Variants in TMEM150C observed in about 807,000 individuals in gnomAD.
TMEM150C encodes tentonin 3.
A neutral mutation model predicts 29.9 loss-of-function variants in TMEM150C; 10 were observed. The ratio of observed to expected loss-of-function variants is 0.33; its 90% CI spans 0.21 to 0.57. The LOEUF (loss-of-function observed/expected upper bound fraction) is 0.57. Ranked by LOEUF, TMEM150C falls within the 20% of genes least tolerant of loss-of-function variation. TMEM150C has a pLI of 0.88. For synonymous variants in TMEM150C, 101 were observed against 112.5 expected, an observed-to-expected ratio of 0.90 and a Z score of 0.64; for missense variants, 251 against 303.6, an observed-to-expected ratio of 0.83 and a Z score of 1.29.
At chr4:82,557,048 G>A (rs1046856389) in intron 1 of TMEM150C, among the ~76,000 whole-genome samples, 1 of 152,132 alleles carries the variant, frequency 6.6e-6, no homozygotes, top group Non-Finnish European at 1.5e-5. Context: ...TGCTGGGTGC[G>A]GGAGCATCAC....
intron 1 of TMEM150C, among the ~76,000 whole-genome samples, chr4:82,553,136 T>C (rs1725636024): frequency 6.6e-6 from 1 of 152,232 alleles, no homozygotes; most frequent in Non-Finnish European, 1.5e-5. Flanking sequence ...TCAGTGTTCA[T>C]GTAGAGGCAG....
At chr4:82,519,312 C>T (rs550003120) in intron 1 of TMEM150C, among the ~76,000 whole-genome samples, 1 of 152,316 alleles carries the variant, frequency 6.6e-6, no homozygotes, top group African/African-American at 2.4e-5. Flanking sequence ...GTAGTACCCC[C>T]TTATCCACAA....
chr4:82,554,547 ATTT>A (rs1725678430), intron 1 of TMEM150C, among the ~76,000 whole-genome samples: 2 of 152,204 alleles, frequency 1.3e-5, no homozygotes, highest in African/African-American at 4.8e-5. Flanking sequence ...AATTATTGCC[ATTT>A]AAATATTTCT....
chr4:82,532,428 G>A (rs896466186), intron 1 of TMEM150C, among the ~76,000 whole-genome samples: 1 of 152,190 alleles, frequency 6.6e-6, no homozygotes, highest in Non-Finnish European at 1.5e-5. Flanking sequence ...GAAACCACGA[G>A]GGTGACAATA....
At chr4:82,560,037 A>C (rs1275893193) in intron 1 of TMEM150C, among the ~76,000 whole-genome samples, 2 of 152,200 alleles carry the variant, frequency 1.3e-5, no homozygotes, top group Admixed American at 6.5e-5. Flanking sequence ...AAGTGAGCCC[A>C]AAAACCCCTG....
chr4:82,506,549 G>A (rs1179838095), intron 1 of TMEM150C, among the ~76,000 whole-genome samples: 1 of 152,172 alleles, frequency 6.6e-6, no homozygotes, highest in African/African-American at 2.4e-5. Context: ...CACCCTACCT[G>A]TGCCAGGTAC....
At chr4:82,534,061 A>T (rs1326912266) in intron 1 of TMEM150C, among the ~76,000 whole-genome samples, 2 of 152,140 alleles carry the variant, frequency 1.3e-5, no homozygotes, top group Non-Finnish European at 2.9e-5. Context: ...CACAGTTGGT[A>T]AGAAATTGCT....
At chr4:82,560,289 A>G (rs1276498197) in intron 1 of TMEM150C, among the ~76,000 whole-genome samples, 2 of 152,244 alleles carry the variant, frequency 1.3e-5, no homozygotes, top group African/African-American at 2.4e-5. Context: ...AACATGCATT[A>G]AAGTGTTTTT....
chr4:82,493,753 G>A (rs909476310), intron 6 of TMEM150C, among the ~76,000 whole-genome samples: 1 of 152,166 alleles, frequency 6.6e-6, no homozygotes, highest in African/African-American at 2.4e-5. Flanking sequence ...CAAAATTTCA[G>A]TTAAAATGCC....
chr4:82,526,252 G>A (rs1724648638), intron 1 of TMEM150C, among the ~76,000 whole-genome samples: 1 of 152,232 alleles, frequency 6.6e-6, no homozygotes, highest in Non-Finnish European at 1.5e-5. Context: ...TTTTGGGGTT[G>A]TGGATGAGGA....
intron 1 of TMEM150C, among the ~76,000 whole-genome samples, chr4:82,523,310 G>A (rs990994067): frequency 6.6e-6 from 1 of 152,168 alleles, no homozygotes; most frequent in African/African-American, 2.4e-5. Flanking sequence ...ACAGAGGTTG[G>A]AGGAGGCGGT....
At position 82,485,345 on chromosome 4, in the gene TMEM150C, A is replaced by T; in HGVS notation, c.*166T>A. 1.6e-6 allele frequency: 1 copy of T among 616,744 alleles called. No individual in the cohort carries two copies. The highest frequency in any genetic ancestry group is 2.9e-6 in the Non-Finnish European group (1 of 348,726). 38.2% of individuals were successfully genotyped at this position (616,744 alleles called of 1,614,324 possible). On this transcript the variant is annotated 3_prime_UTR_variant, in exon 8 of 8. Coordinates refer to ENST00000449862, the MANE Select transcript of TMEM150C (RefSeq NM_001080506.3). ...GACACATAAGGGCTTGTGCTTTTTCATTAAAGAAATAACTCGCCCTGAAAA... is the reference window on the plus strand; with the variant it reads ...GACACATAAGGGCTTGTGCTTTTTCTTTAAAGAAATAACTCGCCCTGAAAA...
chr4:82,508,470 CT>C (rs879639680), intron 1 of TMEM150C, among the ~76,000 whole-genome samples: 294 of 142,170 alleles, frequency 2.1e-3, no homozygotes, highest in Middle Eastern at 3.8e-3. Context: ...CTGAATTGTG[CT>C]TTTTTTTTTT....
intron 7 of TMEM150C, among the ~76,000 whole-genome samples, chr4:82,488,621 T>C (rs2110061406): frequency 6.6e-6 from 1 of 152,238 alleles, no homozygotes; most frequent in Non-Finnish European, 1.5e-5. Flanking sequence ...TTTTATTTTA[T>C]TTTATTTTTT....
At chr4:82,526,364 T>C (rs1017471201) in intron 1 of TMEM150C, among the ~76,000 whole-genome samples, 2 of 152,238 alleles carry the variant, frequency 1.3e-5, no homozygotes, top group Admixed American at 6.5e-5. Flanking sequence ...ATTGGCCAGG[T>C]ACTTTGAATG....
At chr4:82,556,240 A>G (rs1306459909) in intron 1 of TMEM150C, among the ~76,000 whole-genome samples, 1 of 152,114 alleles carries the variant, frequency 6.6e-6, no homozygotes, top group Non-Finnish European at 1.5e-5. Flanking sequence ...GGCCTCCCAG[A>G]GTGTTGGGAT....
At chr4:82,562,040 C>T (rs964603644), upstream of TMEM150C, 45 of 1,155,822 alleles carry the variant, frequency 3.9e-5, no homozygotes, top group African/African-American at 7.0e-4. Context: ...CCGCCCGGCC[C>T]CCTCCTGCCG....
At chr4:82,487,606 A>G (rs1723205052) in intron 7 of TMEM150C, among the ~76,000 whole-genome samples, 1 of 152,230 alleles carries the variant, frequency 6.6e-6, no homozygotes, top group Non-Finnish European at 1.5e-5. Context: ...CTTTTTGTTC[A>G]TAAAGTATTT....
At chr4:82,523,957 C>T (rs1724570986) in intron 1 of TMEM150C, among the ~76,000 whole-genome samples, 5 of 151,554 alleles carry the variant, frequency 3.3e-5, no homozygotes, top group Admixed American at 2.6e-4. Context: ...GTTGGGATTA[C>T]AGGTGTGAGC....
Sources: gnomAD v4.1 joint callset for allele counts (sites outside exome capture counted in the v4.1 genomes callset) on GRCh38, gnomAD v4.1.1 for gene constraint, MANE v1.5 for transcripts, NCBI Gene and HGNC (gene_info 2026-07-23, HGNC 2026-07-21) for gene names.